Variants in CNGA3 observed in about 807,000 individuals in gnomAD.
The protein encoded by CNGA3 is cyclic nucleotide-gated channel alpha-3.
In CNGA3, 42 loss-of-function variants were observed where a neutral mutation model predicts 46.6. That is an observed-to-expected ratio of 0.90 (90% CI 0.70 to 1.17). The LOEUF (loss-of-function observed/expected upper bound fraction) is 1.17. Ranked by LOEUF, CNGA3 falls within the 50% of genes most tolerant of loss-of-function variation. The probability of loss-of-function intolerance (pLI) is 0.00; values close to 1 mark genes in which losing one functional copy is unlikely to be tolerated. For synonymous variants in CNGA3, 394 were observed against 369.4 expected (o/e 1.07, Z -0.76); for missense variants, 893 against 890.7 (o/e 1.00, Z -0.03).
At chr2:98,388,533 G>A (rs1238442028) in intron 5 of CNGA3, among the ~76,000 whole-genome samples, 1 of 152,194 alleles carries the variant, frequency 6.6e-6, no homozygotes, top group Non-Finnish European at 1.5e-5. Flanking sequence ...GAGACCATGT[G>A]AAGCCCCCAT....
At position 98,346,534 on chromosome 2, in the gene CNGA3, G is replaced by C. The variant is rs1558799471; in HGVS notation, c.-38G>C. ...CGCGGAGAAGCTCAAACTTTGGCAG[G>C]GTAAGGATTTTTAGGGGCTCTTGAG... On this transcript the variant is annotated splice_region_variant and 5_prime_UTR_variant, in exon 1 of 8. Coordinates refer to ENST00000272602, the MANE Select transcript of CNGA3 (RefSeq NM_001298.3). 1 of 398,314 alleles carries C rather than the reference G, an allele frequency of 2.5e-6. No homozygotes were observed. The highest frequency in any genetic ancestry group is 3.6e-5 in the East Asian group (1 of 28,042). 24.7% of individuals were successfully genotyped at this position (398,314 alleles called of 1,614,324 possible).
At chr2:98,357,242 C>T (rs999968117) in intron 1 of CNGA3, among the ~76,000 whole-genome samples, 1 of 152,140 alleles carries the variant, frequency 6.6e-6, no homozygotes, top group Non-Finnish European at 1.5e-5. Context: ...ACTACTCAGG[C>T]GTCCGGGCCA....
At chr2:98,390,488 C>A (rs1410916634) in intron 6 of CNGA3, among the ~76,000 whole-genome samples, 1 of 152,054 alleles carries the variant, frequency 6.6e-6, no homozygotes, top group African/African-American at 2.4e-5. Flanking sequence ...GATTGAGGGC[C>A]TCTCCTAGGA....
At chr2:98,383,324 T>C (rs1356747424) in intron 4 of CNGA3, 64 bp from the exon 5 acceptor site, 1 of 1,495,480 alleles carries the variant, frequency 6.7e-7, no homozygotes, top group Non-Finnish European at 9.3e-7. Context: ...AATCCCCTGG[T>C]GAAATGGCCC....
At chr2:98,357,016 G>A (rs978865327) in intron 1 of CNGA3, among the ~76,000 whole-genome samples, 1 of 152,158 alleles carries the variant, frequency 6.6e-6, no homozygotes, top group East Asian at 1.9e-4. Context: ...ATAAATACGT[G>A]GCTGTTATTA....
rs1692249302 is a variant in CNGA3, at chr2:98,370,003, C to T, written c.28C>T (p.His10Tyr). 4.3e-6 allele frequency: 7 copies of T among 1,614,026 alleles called. No individual in the cohort carries two copies. Among genetic ancestry groups the T allele is most frequent in the Non-Finnish European group, 5.9e-6 (7 of 1,179,988 alleles). Residue 10 changes from histidine (H) to tyrosine (Y), a missense_variant, in exon 2 of 8, where the codon CAC (histidine) becomes TAC (tyrosine). By Grantham distance (83) the His-to-Tyr change is moderately conservative (BLOSUM62 2). This residue lies in a region of CNGA3 where 333 missense variants were observed against 290.8 expected (regional missense o/e 1.15). Coordinates refer to ENST00000272602, the MANE Select transcript of CNGA3 (RefSeq NM_001298.3). The stretch of plus-strand genomic sequence containing the variant: ...GGCCAAGATCAACACCCAATACTCC[C>T]ACCCCTCCAGGACCCACCTCAAGGT... The part of the protein sequence containing the change: MAKINTQYS[H>Y]PSRTHLKVKT...
intron 1 of CNGA3, among the ~76,000 whole-genome samples, chr2:98,368,898 T>G (rs1692223491): frequency 1.3e-5 from 2 of 152,184 alleles, no homozygotes; most frequent in Non-Finnish European, 2.9e-5. Context: ...GGTCAAGGTG[T>G]GGCCATCCGG....
intron 4 of CNGA3, among the ~76,000 whole-genome samples, chr2:98,383,022 C>A (rs552040923): frequency 6.6e-6 from 1 of 152,192 alleles, no homozygotes; most frequent in Non-Finnish European, 1.5e-5. Flanking sequence ...GCAGAGGCCA[C>A]GCAGGGTCCA....
At chr2:98,354,746 C>T (rs915197722) in intron 1 of CNGA3, among the ~76,000 whole-genome samples, 3 of 152,198 alleles carry the variant, frequency 2.0e-5, no homozygotes, top group Non-Finnish European at 4.4e-5. Flanking sequence ...AATCAAACCA[C>T]TGTGCTGTAG....
chr2:98,358,399 C>T (rs1691939735), intron 1 of CNGA3, among the ~76,000 whole-genome samples: 1 of 152,126 alleles, frequency 6.6e-6, no homozygotes, highest in Non-Finnish European at 1.5e-5. Flanking sequence ...TGAACATCAA[C>T]AGCTGCTAAT....
intron 1 of CNGA3, among the ~76,000 whole-genome samples, chr2:98,365,494 G>T (rs1368687068): frequency 1.3e-5 from 2 of 152,186 alleles, no homozygotes; most frequent in East Asian, 3.8e-4. Flanking sequence ...ATACCCTGAA[G>T]TGTGTTTTCC....
intron 5 of CNGA3, among the ~76,000 whole-genome samples, chr2:98,385,925 C>G (rs746901318): frequency 9.2e-5 from 14 of 152,172 alleles, no homozygotes; most frequent in Non-Finnish European, 1.8e-4. Flanking sequence ...TCAAGCAAAG[C>G]ACCAAGGAAT....
chr2:98,387,461 T>C (rs1395958521), intron 5 of CNGA3, among the ~76,000 whole-genome samples: 1 of 152,254 alleles, frequency 6.6e-6, no homozygotes, highest in African/African-American at 2.4e-5. Flanking sequence ...CCTTTGTTTC[T>C]TCAACTATTC....
intron 1 of CNGA3, among the ~76,000 whole-genome samples, chr2:98,363,561 G>A (rs1482776405): frequency 6.6e-6 from 1 of 152,178 alleles, no homozygotes; most frequent in Non-Finnish European, 1.5e-5. Context: ...TCTAGATATA[G>A]GATCTAGAAG....
chr2:98,395,200 C>T (rs1168658752), intron 7 of CNGA3, among the ~76,000 whole-genome samples: 3 of 151,982 alleles, frequency 2.0e-5, no homozygotes, highest in Non-Finnish European at 4.4e-5. Context: ...CTCAGAGTCT[C>T]ACTCTGTTGC....
intron 1 of CNGA3, among the ~76,000 whole-genome samples, chr2:98,359,259 T>C (rs561744042): frequency 6.6e-6 from 1 of 152,316 alleles, no homozygotes; most frequent in South Asian, 2.1e-4. Context: ...TGTTACCCCT[T>C]CAGCTTTTGC....
intron 6 of CNGA3, among the ~76,000 whole-genome samples, chr2:98,390,427 GT>G (rs1369291305): frequency 6.6e-6 from 1 of 152,046 alleles, no homozygotes; most frequent in African/African-American, 2.4e-5. Context: ...GGGATTCCAG[GT>G]GTGAGCCACT....
intron 2 of CNGA3, among the ~76,000 whole-genome samples, chr2:98,371,641 A>G (rs1692291056): frequency 6.6e-6 from 1 of 152,146 alleles, no homozygotes; most frequent in Non-Finnish European, 1.5e-5. Flanking sequence ...ATCCTACTCA[A>G]ATACCTTTCT....
intron 2 of CNGA3, among the ~76,000 whole-genome samples, chr2:98,374,548 C>T (rs748525494): frequency 2.7e-4 from 41 of 152,352 alleles, no homozygotes; most frequent in African/African-American, 9.6e-4. Context: ...TCTCATTTTC[C>T]ATTCCTGCAT....
Sources: allele counts gnomAD v4.1 joint callset (sites outside exome capture counted in the v4.1 genomes callset), GRCh38; gene constraint gnomAD v4.1.1; regional missense constraint gnomAD v4.1.1; transcripts MANE v1.5; gene names NCBI Gene and HGNC (gene_info 2026-07-23, HGNC 2026-07-21).